The following CAMSAP1 variants were observed in gnomAD, a reference collection of about 807,000 sequenced individuals.
CAMSAP1 encodes calmodulin regulated spectrin associated protein 1, also known as calmodulin-regulated spectrin-associated protein 1.
CAMSAP1 carries 58 observed loss-of-function variants against 143.5 expected under a neutral mutation model. The observed-to-expected ratio is 0.40, with a 90% CI of 0.33 to 0.50. The LOEUF (loss-of-function observed/expected upper bound fraction) is 0.50. Ranked by LOEUF, CAMSAP1 falls within the 20% of genes least tolerant of loss-of-function variation. The pLI, the probability that CAMSAP1 is intolerant of heterozygous loss-of-function variation, is 0.45. For missense variants in CAMSAP1, 1,969 were observed against 2,115.7 expected (o/e 0.93, Z 1.36); for synonymous variants, 945 against 859.3 (o/e 1.10, Z -1.74).
Position 135,851,882 on chromosome 9 carries a change from C to T in CAMSAP1, c.809-1421G>A, listed in dbSNP as rs527422893. On this transcript the variant is annotated intron_variant, in intron 5 of 16. Transcript: ENST00000389532. ...CGTGTACAGACGGGTGTTGCCCAGGCATACTCTGAGAGGGGACTCGCTGGG... is the reference window on the plus strand; with the variant it reads ...CGTGTACAGACGGGTGTTGCCCAGGTATACTCTGAGAGGGGACTCGCTGGG... 6.6e-5 allele frequency among the ~76,000 whole-genome samples: 10 copies of T among 152,346 alleles called. No homozygotes were observed. The South Asian group carries it at 1.9e-3, about 28-fold the overall frequency.
intron 1 of CAMSAP1, among the ~76,000 whole-genome samples, chr9:135,899,061 G>C (rs1838539008): frequency 2.0e-5 from 3 of 152,188 alleles, no homozygotes; most frequent in Admixed American, 2.0e-4. Flanking sequence ...ACTACGCTAA[G>C]TGAAAGAAGT....
intron 7 of CAMSAP1, among the ~76,000 whole-genome samples, chr9:135,848,763 CT>C (rs1392631190): frequency 6.6e-6 from 1 of 152,228 alleles, no homozygotes; most frequent in Non-Finnish European, 1.5e-5. Context: ...TTCTTTTTAG[CT>C]GTTATGAGCA....
intron 7 of CAMSAP1, among the ~76,000 whole-genome samples, chr9:135,843,671 AC>A (rs1157968996): frequency 6.6e-6 from 1 of 151,980 alleles, no homozygotes; most frequent in Non-Finnish European, 1.5e-5. Flanking sequence ...GGAGATCGAG[AC>A]CATCCTGGCT....
chr9:135,894,604 A>G (rs12005097), intron 1 of CAMSAP1, among the ~76,000 whole-genome samples: 5,392 of 152,286 alleles, frequency 0.035, 318 homozygotes, highest in African/African-American at 0.12. Flanking sequence ...TCAAGCGACC[A>G]AAACAGCACC....
chr9:135,822,706 G>A lies in CAMSAP1; in HGVS notation c.1955C>T (p.Pro652Leu), dbSNP rs201372976. 10 of 1,610,548 alleles carry A rather than the reference G, an allele frequency of 6.2e-6. No homozygotes were observed. Among genetic ancestry groups the A allele is most frequent in the East Asian group, 4.5e-5 (2 of 44,812 alleles). ...CATGGGGAATTCTGAGCATGGAATC[G>A]GGGTAAAAGTCCTATTCAAGTCGCG... ...GSRDLNRTFT[P>L]IPCSEFPMGI... The change falls in exon 11 of 17, where the codon CCG (proline) becomes CTG (leucine). Residue 652 changes from proline to leucine, a missense_variant. Pro to Leu is a moderately conservative substitution (Grantham distance 98, BLOSUM62 -3). Transcript: ENST00000389532. The surrounding 1 kb of genome is among the most constrained non-coding windows in gnomAD (Gnocchi z 6.1).
chr9:135,852,358 A>AC (rs1836813293), intron 5 of CAMSAP1, among the ~76,000 whole-genome samples: 1 of 152,216 alleles, frequency 6.6e-6, no homozygotes, highest in African/African-American at 2.4e-5. Flanking sequence ...ATATGGTTAC[A>AC]TTTAACAATC....
chr9:135,840,579 T>C (rs1836305456), intron 7 of CAMSAP1, among the ~76,000 whole-genome samples: 1 of 152,118 alleles, frequency 6.6e-6, no homozygotes, highest in Non-Finnish European at 1.5e-5. Context: ...AGGAGGAAGG[T>C]GGCTGGCAAG....
rs745389815 is a variant in CAMSAP1, at chr9:135,882,855, G to A, written c.384C>T (p.Pro128=). Residue 128 remains proline (P), a synonymous_variant, in exon 2 of 17, where the codon CCC becomes CCT. Coordinates refer to ENST00000389532, the MANE Select transcript of CAMSAP1 (RefSeq NM_015447.4). This position sits in a 1 kb window ranked among gnomAD's most constrained non-coding sequence, Gnocchi z 4.9. ...CGCGACTGAGGTCGGACTCTGTCAC[G>A]GGGGTGTCATCACTCTCCATCACAT... is the stretch of plus-strand genomic sequence containing the variant. ...GIYVMESDDT[P]VTESDLSRAP... 211 of 1,551,262 alleles carry A rather than the reference G, an allele frequency of 1.4e-4. 1 individual carries two copies. The highest frequency in any genetic ancestry group is 1.7e-4 in the Non-Finnish European group (195 of 1,146,992).
At chr9:135,857,344 A>T (rs1278170328) in intron 5 of CAMSAP1, among the ~76,000 whole-genome samples, 3 of 151,986 alleles carry the variant, frequency 2.0e-5, no homozygotes, top group Non-Finnish European at 4.4e-5. Context: ...GATTTCTTCA[A>T]CTGTCCTCTA....
intron 7 of CAMSAP1, among the ~76,000 whole-genome samples, chr9:135,843,094 G>A (rs1035384680): frequency 1.4e-4 from 21 of 152,144 alleles, no homozygotes; most frequent in African/African-American, 3.6e-4. Context: ...TTGGAAGGCC[G>A]TGGCAGGTGA....
At chr9:135,867,165 C>G (rs746652908) in intron 3 of CAMSAP1, among the ~76,000 whole-genome samples, 1 of 152,134 alleles carries the variant, frequency 6.6e-6, no homozygotes, top group Non-Finnish European at 1.5e-5. Context: ...AGACACAGAG[C>G]TGAATGCTTC....
At chr9:135,884,489 G>A (rs962735897) in intron 1 of CAMSAP1, among the ~76,000 whole-genome samples, 3 of 152,106 alleles carry the variant, frequency 2.0e-5, no homozygotes, top group Admixed American at 6.6e-5. Flanking sequence ...ACTTCTAAAC[G>A]GCAGCAGTCA....
chr9:135,855,350 T>G (rs1836920376), intron 5 of CAMSAP1, among the ~76,000 whole-genome samples: 1 of 152,150 alleles, frequency 6.6e-6, no homozygotes, highest in African/African-American at 2.4e-5. Context: ...CCTCTGTTAG[T>G]TTGCTAAGGA....
chr9:135,847,295 C>A (rs940105632), intron 7 of CAMSAP1, among the ~76,000 whole-genome samples: 1 of 152,042 alleles, frequency 6.6e-6, no homozygotes, highest in Non-Finnish European at 1.5e-5. Context: ...GTGGAGCTTG[C>A]AGTGAGCTGA....
At chr9:135,856,017 A>C (rs1011499519) in intron 5 of CAMSAP1, among the ~76,000 whole-genome samples, 2 of 152,178 alleles carry the variant, frequency 1.3e-5, no homozygotes, top group Non-Finnish European at 2.9e-5. Context: ...GTACCACTGC[A>C]CTCCAGCATA....
rs943041440 is a variant in CAMSAP1 at position 135,818,940 on chromosome 9, C to T, written c.3959+70G>A. 1.9e-5 allele frequency: 29 copies of T among 1,562,936 alleles called. No individual in the cohort carries two copies. The Admixed American group carries it at 2.4e-4, about 13-fold the overall frequency. ...CATGGTCCATGCTCAGTGCCAGCAA[C>T]GGGACCGGGGCCGCCAGGGACCCAC... On this transcript the variant is annotated intron_variant, in intron 12 of 16. Coordinates refer to ENST00000389532, the MANE Select transcript of CAMSAP1 (RefSeq NM_015447.4). The surrounding 1 kb of genome is among the most constrained non-coding windows in gnomAD (Gnocchi z 7.7).
chr9:135,866,395 C>T lies in CAMSAP1; in HGVS notation c.666+61G>A, dbSNP rs547465570. 5.9e-6 allele frequency: 5 copies of T among 846,306 alleles called. No homozygotes were observed. In the East Asian group the frequency reaches 1.1e-4, roughly 18 times the overall value. 52.4% of individuals were successfully genotyped at this position (846,306 alleles called of 1,614,324 possible). A position where few individuals can be genotyped will look rare whatever the true frequency, so the allele number is the denominator to read the frequency against. The stretch of plus-strand genomic sequence containing the variant: ...GCAAATAGTGGGAACTAACAGAATT[C>T]TTTAAAATTGGGACCAACATTAACT... On this transcript the variant is annotated intron_variant, in intron 4 of 16. Coordinates refer to ENST00000389532, the MANE Select transcript of CAMSAP1 (RefSeq NM_015447.4).
intron 4 of CAMSAP1, among the ~76,000 whole-genome samples, chr9:135,863,006 C>T (rs1428122256): frequency 2.0e-5 from 3 of 152,188 alleles, no homozygotes; most frequent in Non-Finnish European, 4.4e-5. Context: ...CATCCTGACG[C>T]TCAGAAGACC....
At chr9:135,854,642 T>G in intron 5 of CAMSAP1, among the ~76,000 whole-genome samples, 1 of 152,062 alleles carries the variant, frequency 6.6e-6, no homozygotes, top group East Asian at 1.9e-4. Flanking sequence ...TTTTAATTTT[T>G]GGGGTCTCAT....
Sources: allele counts gnomAD v4.1 joint callset (sites outside exome capture counted in the v4.1 genomes callset), GRCh38; gene constraint gnomAD v4.1.1; non-coding constraint Gnocchi (gnomAD v3.1); transcripts MANE v1.5; gene names NCBI Gene and HGNC (gene_info 2026-07-23, HGNC 2026-07-21).